STPG2: variants seen among roughly 807,000 people sequenced by gnomAD.
The protein encoded by STPG2 is sperm tail PG-rich repeat containing 2, also known as sperm-tail PG-rich repeat-containing protein 2.
Under a neutral mutation model 54.2 loss-of-function variants are expected in STPG2, and 56 were observed. That is an observed-to-expected ratio of 1.03 (90% CI 0.83 to 1.29). The LOEUF is 1.29. STPG2 is among the 50% of genes most tolerant of loss of function. The pLI, the probability that STPG2 is intolerant of heterozygous loss-of-function variation, is 0.00. For synonymous variants in STPG2, 200 were observed against 181.8 expected, an observed-to-expected ratio of 1.10 and a Z score of -0.81; for missense variants, 596 against 544.9, an observed-to-expected ratio of 1.09 and a Z score of -0.93.
chr4:97,972,269 G>A lies in STPG2; in HGVS notation c.933+11C>T, dbSNP rs760345084. 2 of 1,508,226 alleles carry A rather than the reference G, an allele frequency of 1.3e-6. No individual in the cohort carries two copies. Among genetic ancestry groups the A allele is most frequent in the Admixed American group, 4.5e-5 (2 of 44,304 alleles). The allele number at this position is 1,508,226 out of a possible 1,614,324, so 93.4% of individuals were successfully genotyped here. A position where few individuals can be genotyped will look rare whatever the true frequency, so the allele number is the denominator to read the frequency against. On this transcript the variant is annotated intron_variant, in intron 7 of 10. Transcript: ENST00000295268. ...AACATAAAGAATATTATTTTTGTATGAATGTATTACCTGATAATCAGCAGG... is the reference window on the plus strand; with the variant it reads ...AACATAAAGAATATTATTTTTGTATAAATGTATTACCTGATAATCAGCAGG...
intron 9 of STPG2, among the ~76,000 whole-genome samples, chr4:97,773,856 A>C (rs914141867): frequency 6.6e-6 from 1 of 152,148 alleles, no homozygotes; most frequent in Non-Finnish European, 1.5e-5. Context: ...TAAACTATTA[A>C]AAATATCAGA....
chr4:97,915,628 T>C (rs549942023), intron 8 of STPG2, among the ~76,000 whole-genome samples: 3 of 151,944 alleles, frequency 2.0e-5, no homozygotes, highest in Non-Finnish European at 4.4e-5. Flanking sequence ...GGAAGGCTTA[T>C]GTTTGACAGA....
At chr4:98,129,812 C>T (rs1739932638) in intron 2 of STPG2, among the ~76,000 whole-genome samples, 3 of 152,146 alleles carry the variant, frequency 2.0e-5, no homozygotes, top group Admixed American at 2.0e-4. Context: ...TGTTCACATG[C>T]CCATGTAGAA....
At chr4:97,890,160 C>A (rs116286273) in intron 8 of STPG2, among the ~76,000 whole-genome samples, 1 of 151,992 alleles carries the variant, frequency 6.6e-6, no homozygotes, top group Non-Finnish European at 1.5e-5. Flanking sequence ...CATGATAATC[C>A]TGAATGTTTC....
chr4:98,022,818 G>A (rs1392932022), intron 5 of STPG2, among the ~76,000 whole-genome samples: 2 of 152,118 alleles, frequency 1.3e-5, no homozygotes, highest in Admixed American at 6.5e-5. Context: ...ATCGGCTCCT[G>A]AGGCTTCTGC....
chr4:97,792,752 A>G (rs1350911736), intron 9 of STPG2, among the ~76,000 whole-genome samples: 1 of 152,150 alleles, frequency 6.6e-6, no homozygotes, highest in African/African-American at 2.4e-5. Flanking sequence ...CTTCCTTGCT[A>G]TATTATCTTG....
intron 7 of STPG2, among the ~76,000 whole-genome samples, chr4:97,947,684 T>G (rs959407978): frequency 2.6e-4 from 40 of 151,978 alleles, no homozygotes; most frequent in African/African-American, 9.4e-4. Flanking sequence ...TTGTTTTTAA[T>G]TGTTTATGTG....
chr4:97,532,735 G>C (rs1376945336), intron 4 of STPG2, among the ~76,000 whole-genome samples: 1 of 152,170 alleles, frequency 6.6e-6, no homozygotes, highest in Non-Finnish European at 1.5e-5. Flanking sequence ...GATAGGCATA[G>C]ATGTGCTTAT....
intron 9 of STPG2, among the ~76,000 whole-genome samples, chr4:97,798,479 G>A (rs187933267): frequency 5.9e-5 from 9 of 152,286 alleles, no homozygotes; most frequent in African/African-American, 2.2e-4. Flanking sequence ...CAGATTCTAT[G>A]CAGTTGAGCG....
At chr4:98,059,437 A>G (rs993000707) in intron 5 of STPG2, among the ~76,000 whole-genome samples, 5 of 152,096 alleles carry the variant, frequency 3.3e-5, no homozygotes, top group Admixed American at 2.6e-4. Flanking sequence ...AAAAAAGCTT[A>G]GTACCTGATG....
At chr4:97,521,280 GA>G (rs145143089) in intron 4 of STPG2, among the ~76,000 whole-genome samples, 1 of 152,088 alleles carries the variant, frequency 6.6e-6, no homozygotes, top group Non-Finnish European at 1.5e-5. Flanking sequence ...ATCAACAGCA[GA>G]AGATCAAAGA....
intron 1 of STPG2, among the ~76,000 whole-genome samples, chr4:98,142,686 GCAA>G: frequency 6.6e-6 from 1 of 152,188 alleles, no homozygotes. Context: ...GGATTACAAA[GCAA>G]CGAGACAGCG....
chr4:97,704,921 A>G (rs906569457), intron 10 of STPG2, among the ~76,000 whole-genome samples: 35 of 152,262 alleles, frequency 2.3e-4, no homozygotes, highest in Middle Eastern at 3.4e-3. Flanking sequence ...ATCATTCCTT[A>G]TAAGAAATTT....
chr4:97,820,066 T>C lies in STPG2; in HGVS notation c.1204+20707A>G, dbSNP rs78642739. ...TTTCTAACAGTATGTGCTCCCTTCATGTCTCAACGTCACATTTTGGTAATT... is the reference window on the plus strand; with the variant it reads ...TTTCTAACAGTATGTGCTCCCTTCACGTCTCAACGTCACATTTTGGTAATT... On this transcript the variant is annotated intron_variant, in intron 9 of 10. Coordinates refer to ENST00000295268, the MANE Select transcript of STPG2 (RefSeq NM_174952.3). Among the ~76,000 whole-genome samples, 17 of 152,284 alleles carry C rather than the reference T, an allele frequency of 1.1e-4. No homozygotes were observed. The East Asian group carries it at 3.1e-3, about 28-fold the overall frequency.
intron 8 of STPG2, among the ~76,000 whole-genome samples, chr4:97,869,948 C>A (rs906802440): frequency 2.4e-4 from 37 of 151,702 alleles, no homozygotes; most frequent in African/African-American, 8.2e-4. Flanking sequence ...CTTCCACTTG[C>A]AATTCAGTGC....
At chr4:97,687,958 G>A (rs1320345278) in intron 10 of STPG2, among the ~76,000 whole-genome samples, 1 of 152,004 alleles carries the variant, frequency 6.6e-6, no homozygotes, top group East Asian at 1.9e-4. Context: ...CAAATTTTAT[G>A]ACTTAAATGC....
At chr4:97,908,036 A>G (rs1002060316) in intron 8 of STPG2, among the ~76,000 whole-genome samples, 1 of 152,166 alleles carries the variant, frequency 6.6e-6, no homozygotes, top group Non-Finnish European at 1.5e-5. Context: ...ATTAAACTAA[A>G]GAGCTTCTGC....
chr4:97,560,869 G>C (rs55912991), intron 10 of STPG2, among the ~76,000 whole-genome samples: 2 of 152,122 alleles, frequency 1.3e-5, no homozygotes, highest in African/African-American at 4.8e-5. Context: ...AAATGTGTTT[G>C]ACTCATTCTT....
intron 8 of STPG2, among the ~76,000 whole-genome samples, chr4:97,866,043 A>T (rs1267648404): frequency 6.6e-6 from 1 of 151,914 alleles, no homozygotes; most frequent in Non-Finnish European, 1.5e-5. Flanking sequence ...TAAAAATTAA[A>T]ACAGTTGAAC....
Sources: allele counts gnomAD v4.1 joint callset (sites outside exome capture counted in the v4.1 genomes callset), GRCh38; gene constraint gnomAD v4.1.1; transcripts MANE v1.5; gene names NCBI Gene and HGNC (gene_info 2026-07-23, HGNC 2026-07-21).